Variants in DNAJC1 observed in about 807,000 individuals in gnomAD.
DNAJC1 encodes dnaJ homolog subfamily C member 1.
DNAJC1 carries 58 observed loss-of-function variants against 76.6 expected under a neutral mutation model. That is an observed-to-expected ratio of 0.76 (90% CI 0.61 to 0.94). The LOEUF is 0.94. Ranked by LOEUF, DNAJC1 falls within the 40% of genes least tolerant of loss-of-function variation. DNAJC1 has a pLI of 0.00. For synonymous variants in DNAJC1, 258 were observed against 267.9 expected, an observed-to-expected ratio of 0.96 and a Z score of 0.36; for missense variants, 689 against 677.3, an observed-to-expected ratio of 1.02 and a Z score of -0.19.
chr10:21,774,543 C>T (rs1019061821), intron 9 of DNAJC1, among the ~76,000 whole-genome samples: 2 of 152,208 alleles, frequency 1.3e-5, no homozygotes, highest in Non-Finnish European at 2.9e-5. Flanking sequence ...GGCGCAATCT[C>T]GGCTCACTAC....
At chr10:21,805,266 T>C (rs899700931) in intron 9 of DNAJC1, among the ~76,000 whole-genome samples, 1 of 152,070 alleles carries the variant, frequency 6.6e-6, no homozygotes, top group African/African-American at 2.4e-5. Context: ...AAAATAATAT[T>C]TTTTCTCAAT....
chr10:21,914,324 C>G (rs1347895074), intron 6 of DNAJC1, among the ~76,000 whole-genome samples: 1 of 152,138 alleles, frequency 6.6e-6, no homozygotes, highest in Non-Finnish European at 1.5e-5. Flanking sequence ...GAACAAAATC[C>G]AGTGCTCTGG....
In DNAJC1 at chr10:21,977,895, T is replaced by A. The variant is rs769726442; in HGVS notation, c.222+25318A>T. Among the ~76,000 whole-genome samples the A allele has an allele frequency of 2.0e-4, 31 of 152,100 alleles. 1 individual carries two copies. The highest frequency in any genetic ancestry group is 3.2e-3 in the Middle Eastern group (1 of 316). On this transcript the variant is annotated intron_variant, in intron 1 of 11. Coordinates refer to ENST00000376980, the MANE Select transcript of DNAJC1 (RefSeq NM_022365.4). ...AACCTACAGAAAAATAATAAGTAAATTTCTTTTCAAAGTGACAAGGGAAAA... is the reference window on the plus strand; with the variant it reads ...AACCTACAGAAAAATAATAAGTAAAATTCTTTTCAAAGTGACAAGGGAAAA...
At chr10:21,906,780 C>CAAG (rs1373745266) in intron 6 of DNAJC1, among the ~76,000 whole-genome samples, 1 of 152,032 alleles carries the variant, frequency 6.6e-6, no homozygotes, top group Non-Finnish European at 1.5e-5. Context: ...AACAAAAGTA[C>CAAG]CTAACTTATA....
At chr10:21,813,175 CCTCTCT>C (rs532971786) in intron 8 of DNAJC1, among the ~76,000 whole-genome samples, 1,174 of 28,024 alleles carry the variant, frequency 0.042, 20 homozygotes, top group East Asian at 0.077. Flanking sequence ...TCTCTCTCTC[CCTCTCT>C]CTCTCTCTCT....
intron 5 of DNAJC1, among the ~76,000 whole-genome samples, 191 bp downstream of exon 5, chr10:21,919,641 A>G (rs1200932349): frequency 3.3e-5 from 5 of 151,924 alleles, no homozygotes; most frequent in Non-Finnish European, 5.9e-5. Flanking sequence ...TATATGGGGG[A>G]AAAAACCTGA....
chr10:21,939,829 A>G (rs1837374546), intron 1 of DNAJC1, among the ~76,000 whole-genome samples: 1 of 151,544 alleles, frequency 6.6e-6, no homozygotes, highest in African/African-American at 2.4e-5. Context: ...TATCTGATTT[A>G]TTGATTAAAA....
intron 9 of DNAJC1, among the ~76,000 whole-genome samples, chr10:21,786,777 G>A (rs936223684): frequency 2.6e-5 from 4 of 152,042 alleles, no homozygotes; most frequent in Non-Finnish European, 4.4e-5. Context: ...GGACTAAAAC[G>A]GGAATTTCTA....
At position 21,835,248 on chromosome 10, in the gene DNAJC1, A is replaced by G. The variant is rs975643136; in HGVS notation, c.979-29149T>C. Among the ~76,000 whole-genome samples the G allele has an allele frequency of 2.0e-5, 3 of 152,234 alleles. No homozygotes were observed. In the East Asian group the frequency reaches 5.8e-4, roughly 29 times the overall value. On this transcript the variant is annotated intron_variant, in intron 8 of 11. Coordinates refer to ENST00000376980, the MANE Select transcript of DNAJC1 (RefSeq NM_022365.4). ...GAGTGGACCTCCAGCAAACTCCAAC[A>G]GACCTGCAGCTGAGGGTCCTGTCTG... is the stretch of plus-strand genomic sequence containing the variant.
At chr10:21,845,825 C>T (rs901716215) in intron 8 of DNAJC1, among the ~76,000 whole-genome samples, 2 of 151,894 alleles carry the variant, frequency 1.3e-5, no homozygotes, top group African/African-American at 4.8e-5. Flanking sequence ...AAATATACAA[C>T]AATATGAAAA....
chr10:21,950,554 A>G (rs552210246), intron 1 of DNAJC1, among the ~76,000 whole-genome samples: 7 of 152,316 alleles, frequency 4.6e-5, no homozygotes, highest in East Asian at 1.9e-4. Context: ...GAAGAGTCAC[A>G]TATCTCACAC....
chr10:21,961,485 A>G (rs1040508671), intron 1 of DNAJC1, among the ~76,000 whole-genome samples: 1 of 152,142 alleles, frequency 6.6e-6, no homozygotes, highest in Admixed American at 6.5e-5. Flanking sequence ...AAGGACAAAT[A>G]TTGTTATGAT....
At chr10:21,972,217 A>C (rs543719963) in intron 1 of DNAJC1, among the ~76,000 whole-genome samples, 1 of 152,048 alleles carries the variant, frequency 6.6e-6, no homozygotes, top group South Asian at 2.1e-4. Flanking sequence ...AATTGCTATA[A>C]AATTTTCTAA....
intron 1 of DNAJC1, among the ~76,000 whole-genome samples, chr10:21,945,231 C>A (rs1326454935): frequency 1.3e-5 from 2 of 152,106 alleles, no homozygotes; most frequent in African/African-American, 4.8e-5. Context: ...TCAACTGGAC[C>A]AGCTATTATG....
chr10:21,764,043 GTCT>G (rs998633908), intron 10 of DNAJC1, among the ~76,000 whole-genome samples: 4 of 152,100 alleles, frequency 2.6e-5, no homozygotes, highest in Non-Finnish European at 5.9e-5. Context: ...TTCAAATACG[GTCT>G]TCTTATATTC....
intron 9 of DNAJC1, among the ~76,000 whole-genome samples, chr10:21,786,115 T>C (rs1834603420): frequency 6.6e-6 from 1 of 151,722 alleles, no homozygotes; most frequent in South Asian, 2.1e-4. Flanking sequence ...GCAAGAAGAG[T>C]GCACACCTTG....
intron 8 of DNAJC1, among the ~76,000 whole-genome samples, chr10:21,827,627 C>T (rs1835284881): frequency 6.6e-6 from 1 of 152,154 alleles, no homozygotes; most frequent in Non-Finnish European, 1.5e-5. Context: ...CATCATATGG[C>T]CTTTTTCCTT....
intron 1 of DNAJC1, among the ~76,000 whole-genome samples, chr10:21,998,859 G>A (rs778263122): frequency 3.3e-5 from 5 of 152,184 alleles, no homozygotes; most frequent in Non-Finnish European, 5.9e-5. Context: ...TAGTTACAAT[G>A]TTTATAATGT....
chr10:21,971,319 T>C lies in DNAJC1; in HGVS notation c.222+31894A>G, dbSNP rs905057741. On this transcript the variant is annotated intron_variant, in intron 1 of 11. Transcript: ENST00000376980. ...AATGAAATAAATAATTATTTAGATA[T>C]CTTCTATTTATGTCAAGTAACGAAT... 1.1e-4 allele frequency among the ~76,000 whole-genome samples: 17 copies of C among 151,880 alleles called. 1 individual carries two copies. The highest frequency in any genetic ancestry group is 4.1e-4 in the African/African-American group (17 of 41,460).
Sources: gnomAD v4.1 joint callset for allele counts (sites outside exome capture counted in the v4.1 genomes callset) on GRCh38, gnomAD v4.1.1 for gene constraint, MANE v1.5 for transcripts, NCBI Gene and HGNC (gene_info 2026-07-23, HGNC 2026-07-21) for gene names.